Variants in KLHL1 observed in about 807,000 individuals in gnomAD.
KLHL1 encodes the protein kelch like family member 1, also known as kelch-like protein 1.
In KLHL1, 47 loss-of-function variants were observed where a neutral mutation model predicts 77.7. That is an observed-to-expected ratio of 0.60 (90% CI 0.48 to 0.77). The LOEUF (loss-of-function observed/expected upper bound fraction) is 0.77. Among genes scored for constraint, KLHL1 ranks in the 30% least tolerant of loss-of-function variants. The pLI, the probability that KLHL1 is intolerant of heterozygous loss-of-function variation, is 0.00. For missense variants in KLHL1, 925 were observed against 910.8 expected (o/e 1.02, Z -0.20); for synonymous variants, 360 against 325.2 (o/e 1.11, Z -1.15).
At position 69,834,001 on chromosome 13, in the gene KLHL1, G is replaced by A. The variant is rs370473018; in HGVS notation, c.1414+4975C>T. ...ACCCAGCAATGGAAAACCTAAAATCGTATGTTCTCATTTATAAGTGTGAGC... is the reference window on the plus strand; with the variant it reads ...ACCCAGCAATGGAAAACCTAAAATCATATGTTCTCATTTATAAGTGTGAGC... On this transcript the variant is annotated intron_variant, in intron 6 of 10. Coordinates refer to ENST00000377844, the MANE Select transcript of KLHL1 (RefSeq NM_020866.3). 2.5e-4 allele frequency among the ~76,000 whole-genome samples: 38 copies of A among 151,868 alleles called. No homozygotes were observed. The East Asian group carries it at 5.4e-3, about 22-fold the overall frequency.
chr13:69,749,449 T>C lies in KLHL1; in HGVS notation c.1640-8893A>G, dbSNP rs550739625. Reference sequence around the variant, plus strand: ...GCCAAAATGTACTTTTTCCAGTACATATAATTATTTATAATTTTTGGACTG... The same window carrying C: ...GCCAAAATGTACTTTTTCCAGTACACATAATTATTTATAATTTTTGGACTG... On this transcript the variant is annotated intron_variant, in intron 7 of 10. Coordinates refer to ENST00000377844, the MANE Select transcript of KLHL1 (RefSeq NM_020866.3). Among the ~76,000 whole-genome samples the C allele has an allele frequency of 3.4e-4, 52 of 152,118 alleles. 1 individual carries two copies. Among genetic ancestry groups the C allele is most frequent in the Middle Eastern group, 3.4e-3 (1 of 294 alleles).
At chr13:69,994,617 T>C (rs1317258143) in intron 1 of KLHL1, among the ~76,000 whole-genome samples, 1 of 152,066 alleles carries the variant, frequency 6.6e-6, no homozygotes, top group Non-Finnish European at 1.5e-5. Context: ...GAAAAGTACA[T>C]TGGGAGTACC....
chr13:69,905,779 G>A (rs1251892327), intron 4 of KLHL1, among the ~76,000 whole-genome samples: 1 of 151,900 alleles, frequency 6.6e-6, no homozygotes, highest in East Asian at 1.9e-4. Context: ...TTTCTAAGTG[G>A]GCATATTAAA....
intron 5 of KLHL1, among the ~76,000 whole-genome samples, chr13:69,856,524 A>G (rs561779166): frequency 1.3e-5 from 2 of 152,186 alleles, no homozygotes; most frequent in South Asian, 4.1e-4. Flanking sequence ...GCAGATCCTT[A>G]CAATTCTCAA....
At chr13:69,999,083 A>AAT (rs1885224931) in intron 1 of KLHL1, among the ~76,000 whole-genome samples, 1 of 152,086 alleles carries the variant, frequency 6.6e-6, no homozygotes, top group Non-Finnish European at 1.5e-5. Context: ...GAGTGAATCT[A>AAT]ATAACAGGAT....
intron 4 of KLHL1, among the ~76,000 whole-genome samples, chr13:69,885,355 AAGGAAATG>A (rs944986384): frequency 3.3e-5 from 5 of 152,134 alleles, no homozygotes; most frequent in Non-Finnish European, 7.4e-5. Flanking sequence ...AAACTGCTAT[AAGGAAATG>A]GGACCTCAGG....
At chr13:69,863,034 T>C (rs542070900) in intron 5 of KLHL1, among the ~76,000 whole-genome samples, 12 of 152,282 alleles carry the variant, frequency 7.9e-5, no homozygotes, top group Non-Finnish European at 1.6e-4. Flanking sequence ...TATTGTTAGC[T>C]ATCTTTGAAG....
intron 9 of KLHL1, among the ~76,000 whole-genome samples, chr13:69,708,357 G>GT (rs1483665176): frequency 3.3e-5 from 5 of 152,000 alleles, no homozygotes; most frequent in African/African-American, 1.2e-4. Flanking sequence ...GTTAAGTAGT[G>GT]TGACTAAGTT....
At chr13:69,922,285 G>A (rs1006261039) in intron 4 of KLHL1, among the ~76,000 whole-genome samples, 1 of 152,032 alleles carries the variant, frequency 6.6e-6, no homozygotes, top group African/African-American at 2.4e-5. Context: ...AAAATTTTAA[G>A]GGTACAGAGG....
intron 4 of KLHL1, among the ~76,000 whole-genome samples, chr13:69,938,431 A>G (rs984848418): frequency 2.6e-5 from 4 of 152,082 alleles, no homozygotes; most frequent in Non-Finnish European, 5.9e-5. Context: ...TACCTTTTAA[A>G]GTCTCTGAAG....
intron 7 of KLHL1, among the ~76,000 whole-genome samples, chr13:69,790,340 A>AAAT (rs1344662805): frequency 6.6e-6 from 1 of 152,236 alleles, no homozygotes; most frequent in African/African-American, 2.4e-5. Context: ...AGTGAGGTTT[A>AAAT]AATATGCTTA....
chr13:69,987,551 A>T (rs1170495662), intron 1 of KLHL1, among the ~76,000 whole-genome samples: 3 of 152,022 alleles, frequency 2.0e-5, no homozygotes, highest in Non-Finnish European at 2.9e-5. Context: ...GTGAAAAGGA[A>T]GGGAGGGTGG....
chr13:69,745,123 TG>T (rs1874151211), intron 7 of KLHL1, among the ~76,000 whole-genome samples: 1 of 152,016 alleles, frequency 6.6e-6, no homozygotes, highest in Admixed American at 6.6e-5. Context: ...AACTTGTCAC[TG>T]TGAAACATTT....
At chr13:69,897,027 G>T (rs1881671438) in intron 4 of KLHL1, among the ~76,000 whole-genome samples, 1 of 151,978 alleles carries the variant, frequency 6.6e-6, no homozygotes, top group Non-Finnish European at 1.5e-5. Flanking sequence ...GACAAACTTT[G>T]TCATTTGATC....
At chr13:69,805,749 GAAGAA>G (rs1347900595) in intron 6 of KLHL1, among the ~76,000 whole-genome samples, 13 of 150,044 alleles carry the variant, frequency 8.7e-5, no homozygotes, top group Non-Finnish European at 3.0e-5. Context: ...TGAATGAATG[GAAGAA>G]AAGAAAAAAC....
intron 1 of KLHL1, among the ~76,000 whole-genome samples, chr13:70,052,285 T>C (rs941807695): frequency 6.6e-6 from 1 of 151,688 alleles, no homozygotes; most frequent in African/African-American, 2.4e-5. Context: ...CTACTAACCA[T>C]GAAACATCAA....
chr13:69,717,890 G>A (rs951441700), intron 9 of KLHL1, among the ~76,000 whole-genome samples: 5 of 152,084 alleles, frequency 3.3e-5, no homozygotes, highest in African/African-American at 1.2e-4. Flanking sequence ...AAATCTTAAA[G>A]TGAAAATGCA....
intron 5 of KLHL1, among the ~76,000 whole-genome samples, chr13:69,850,892 T>A (rs1159518960): frequency 1.3e-5 from 2 of 151,682 alleles, no homozygotes; most frequent in African/African-American, 4.8e-5. Flanking sequence ...ACTTTGTCTT[T>A]AATGTGGCTT....
intron 1 of KLHL1, among the ~76,000 whole-genome samples, chr13:70,015,710 A>G (rs1206203078): frequency 6.6e-6 from 1 of 152,204 alleles, no homozygotes; most frequent in Admixed American, 6.5e-5. Context: ...AAGGTAGGCT[A>G]GCCTAAGCTG....
Sources: gnomAD v4.1 joint callset for allele counts (sites outside exome capture counted in the v4.1 genomes callset) on GRCh38, gnomAD v4.1.1 for gene constraint, MANE v1.5 for transcripts, NCBI Gene and HGNC (gene_info 2026-07-23, HGNC 2026-07-21) for gene names.